The following SPRR2E variants were observed in gnomAD, a reference collection of about 807,000 sequenced individuals.
The protein encoded by SPRR2E is small proline rich protein 2E.
For missense variants in SPRR2E, 68 were observed against 87.1 expected (o/e 0.78, Z 0.87); for synonymous variants, 20 against 32.2 (o/e 0.62, Z 1.28).
chr1:153,093,389 C>T lies in SPRR2E; in HGVS notation c.*144G>A. ...AAGGAAACCTTTTGCTATCAGGGAT[C>T]ATCATGGGCAGATCACTGGCTAAGA... is the stretch of plus-strand genomic sequence containing the variant. On this transcript the variant is annotated 3_prime_UTR_variant, in exon 2 of 2. Transcript: ENST00000368750. 1 of 1,439,736 alleles carries T rather than the reference C, an allele frequency of 6.9e-7. No homozygotes were observed. Among genetic ancestry groups the T allele is most frequent in the Non-Finnish European group, 9.4e-7 (1 of 1,068,834 alleles). 89.2% of individuals were successfully genotyped at this position (1,439,736 alleles called of 1,614,324 possible).
At position 153,093,629 on chromosome 1, in the gene SPRR2E, A is replaced by T; in HGVS notation, c.123T>A (p.Cys41Ter). 1.2e-6 allele frequency: 2 copies of T among 1,612,438 alleles called. No homozygotes were observed. The highest frequency in any genetic ancestry group is 1.7e-6 in the Non-Finnish European group (2 of 1,179,822). ...ACTGCTGAGGTGGGCAGGGCTGTGG[A>T]CACTTTGGTGGTGGGCAGGGCTCAG... Reference protein sequence around the residue: ...KCPEPCPPPKCPQPCPPQQCQ... With the variant: ...KCPEPCPPPK Residue 41 changes from cysteine (C) to a stop codon, truncating the protein, a stop_gained, in exon 2 of 2, where the codon TGT (cysteine) becomes TGA (stop). Transcript: ENST00000368750. LOFTEE classifies it low-confidence loss of function (END_TRUNC).
Position 153,093,507 on chromosome 1 carries a change from C to T in SPRR2E, c.*26G>A. The T allele has an allele frequency of 6.2e-7, 1 of 1,606,942 alleles. No homozygotes were observed. The highest frequency in any genetic ancestry group is 8.5e-7 in the Non-Finnish European group (1 of 1,176,962). ...GGTGAGCCAATTATCCTTATCCTTT[C>T]ATGCTCCTGATGAATTCTGAAGCTG... On this transcript the variant is annotated 3_prime_UTR_variant, in exon 2 of 2. Transcript: ENST00000368750.
At position 153,093,767 on chromosome 1, in the gene SPRR2E, G is replaced by C; in HGVS notation, c.-16C>G. The stretch of plus-strand genomic sequence containing the variant: ...GATAAGACATCCTGCTGGAGTCTCA[G>C]AATCTGAAAGAAATGATATGACAGT... On this transcript the variant is annotated 5_prime_UTR_variant, in exon 2 of 2. Transcript: ENST00000368750. 1 of 1,611,564 alleles carries C rather than the reference G, an allele frequency of 6.2e-7. No homozygotes were observed. The highest frequency in any genetic ancestry group is 8.5e-7 in the Non-Finnish European group (1 of 1,179,868).
At position 153,093,786 on chromosome 1, in the gene SPRR2E, T is replaced by A. The variant is rs1933388; in HGVS notation, c.-19-16A>T. 371 of 1,610,254 alleles carry A rather than the reference T, an allele frequency of 2.3e-4. No homozygotes were observed. Among genetic ancestry groups the A allele is most frequent in the Middle Eastern group, 4.5e-4 (2 of 4,450 alleles). ...GTCTCAGAATCTGAAAGAAATGATA[T>A]GACAGTGTTCACAGGAATGGACTCC... On this transcript the variant is annotated splice_polypyrimidine_tract_variant and intron_variant, in intron 1 of 1. Transcript: ENST00000368750.
In SPRR2E at chr1:153,093,443, A is replaced by G. The variant is rs1005829807; in HGVS notation, c.*90T>C. 1.6e-5 allele frequency: 25 copies of G among 1,550,370 alleles called. 1 individual carries two copies. In the Admixed American group the frequency reaches 4.2e-4, roughly 26 times the overall value. The stretch of plus-strand genomic sequence containing the variant: ...AAGAAGCTAACTGTGTATCCATGGT[A>G]GGCTTTGATGAGAAGATGCAGGTGA... On this transcript the variant is annotated 3_prime_UTR_variant, in exon 2 of 2. Coordinates refer to ENST00000368750, the MANE Select transcript of SPRR2E (RefSeq NM_001024209.4).
At position 153,093,773 on chromosome 1, in the gene SPRR2E, G is replaced by A. The variant is rs1655154247; in HGVS notation, c.-19-3C>T. The A allele has an allele frequency of 6.2e-7, 1 of 1,611,492 alleles. No individual in the cohort carries two copies. Among genetic ancestry groups the A allele is most frequent in the East Asian group, 2.2e-5 (1 of 44,888 alleles). On this transcript the variant is annotated splice_polypyrimidine_tract_variant and splice_region_variant and intron_variant, in intron 1 of 1. Transcript: ENST00000368750. ...ACATCCTGCTGGAGTCTCAGAATCT[G>A]AAAGAAATGATATGACAGTGTTCAC... is the stretch of plus-strand genomic sequence containing the variant.
intron 1 of SPRR2E, 44 bp from the exon 2 acceptor site, chr1:153,093,814 C>T (rs1270557224): frequency 6.2e-7 from 1 of 1,609,022 alleles, no homozygotes; most frequent in African/African-American, 1.3e-5. Flanking sequence ...TGGACTCCTC[C>T]AGAGAGAGAA....
In SPRR2E at chr1:153,093,673, A is replaced by G. The variant is rs1655148375; in HGVS notation, c.79T>C (p.Cys27Arg). Residue 27 changes from cysteine to arginine, a missense_variant, in exon 2 of 2, where the codon TGT becomes CGT. Cys to Arg is a radical substitution (Grantham distance 180). Transcript: ENST00000368750. ...VCPTPKCPEP[C>R]PPPKCPEPCP... Reference sequence around the variant, plus strand: ...GGCTCAGGGCACTTCGGGGGTGGACATGGCTCTGGGCACTTTGGCGTGGGG... The same window carrying G: ...GGCTCAGGGCACTTCGGGGGTGGACGTGGCTCTGGGCACTTTGGCGTGGGG... The G allele has an allele frequency of 1.9e-6, 3 of 1,612,348 alleles. No homozygotes were observed. The East Asian group carries it at 6.7e-5, about 36-fold the overall frequency.
At chr1:153,093,886 T>A in intron 1 of SPRR2E, 116 bp from the exon 2 acceptor site, 3 of 1,322,376 alleles carry the variant, frequency 2.3e-6, no homozygotes, top group East Asian at 2.5e-5. Flanking sequence ...TTATTTAAAC[T>A]CTTAGCTCTC....
At position 153,093,645 on chromosome 1, in the gene SPRR2E, C is replaced by G. The variant is rs141816668; in HGVS notation, c.107G>C (p.Cys36Ser). 91 of 1,612,240 alleles carry G rather than the reference C, an allele frequency of 5.6e-5. No individual in the cohort carries two copies. Among genetic ancestry groups the G allele is most frequent in the Non-Finnish European group, 7.0e-5 (82 of 1,179,848 alleles). ...GGGCTGTGGACACTTTGGTGGTGGG[C>G]AGGGCTCAGGGCACTTCGGGGGTGG... ...PCPPPKCPEP[C>S]PPPKCPQPCP... Residue 36 changes from cysteine (C) to serine (S), a missense_variant, in exon 2 of 2, where the codon TGC becomes TCC. Physicochemically the swap from Cys to Ser is moderately radical, Grantham distance 112. Transcript: ENST00000368750.
rs1286184510 is a variant in SPRR2E, at chr1:153,093,703, C to G, written c.49G>C (p.Val17Leu). 6.2e-7 allele frequency: 1 copy of G among 1,612,212 alleles called. No individual in the cohort carries two copies. Among genetic ancestry groups the G allele is most frequent in the South Asian group, 1.1e-5 (1 of 91,000 alleles). ...QCKQPCQPPP[V>L]CPTPKCPEPC... ...TCTGGGCACTTTGGCGTGGGGCACA[C>G]AGGAGGTGGCTGGCAGGGCTGCTTG... The change falls in exon 2 of 2, where the codon GTG becomes CTG. Residue 17 changes from valine (V) to leucine (L), a missense_variant. Coordinates refer to ENST00000368750, the MANE Select transcript of SPRR2E (RefSeq NM_001024209.4).
In SPRR2E at chr1:153,093,212, T is replaced by G; in HGVS notation, c.*321A>C. 2.3e-6 allele frequency: 1 copy of G among 443,682 alleles called. No individual in the cohort carries two copies. Among genetic ancestry groups the G allele is most frequent in the Admixed American group, 3.8e-5 (1 of 25,994 alleles). 27.5% of individuals were successfully genotyped at this position (443,682 alleles called of 1,614,324 possible). A position where few individuals can be genotyped will look rare whatever the true frequency, so the allele number is the denominator to read the frequency against. On this transcript the variant is annotated 3_prime_UTR_variant, in exon 2 of 2. Coordinates refer to ENST00000368750, the MANE Select transcript of SPRR2E (RefSeq NM_001024209.4). ...CAGGTGTTAGAAGCCCATGCCCAGG[T>G]GACAGACAGACACAGAAAACATCAA...
In SPRR2E at chr1:153,093,258, C is replaced by A; in HGVS notation, c.*275G>T. ...ATCAACAGCATTTTTTGATGGTTCC[C>A]AGGGACAGAGCTGCTGGTCCTTCTT... is the stretch of plus-strand genomic sequence containing the variant. On this transcript the variant is annotated 3_prime_UTR_variant, in exon 2 of 2. Transcript: ENST00000368750. 1.8e-6 allele frequency: 1 copy of A among 559,044 alleles called. No homozygotes were observed. The allele number at this position is 559,044 out of a possible 1,614,324, so 34.6% of individuals were successfully genotyped here.
At chr1:153,094,213 C>A (rs1305448105) in intron 1 of SPRR2E, among the ~76,000 whole-genome samples, 1 of 152,204 alleles carries the variant, frequency 6.6e-6, no homozygotes, top group African/African-American at 2.4e-5. Flanking sequence ...GAAAAGGATA[C>A]CAGGAAAATA....
rs1273735587 is a variant in SPRR2E, at chr1:153,093,463, A to C, written c.*70T>G. 9.6e-6 allele frequency: 15 copies of C among 1,566,910 alleles called. No individual in the cohort carries two copies. Among genetic ancestry groups the C allele is most frequent in the Admixed American group, 1.8e-5 (1 of 56,638 alleles). On this transcript the variant is annotated 3_prime_UTR_variant, in exon 2 of 2. Coordinates refer to ENST00000368750, the MANE Select transcript of SPRR2E (RefSeq NM_001024209.4). Reference sequence around the variant, plus strand: ...ATGGTAGGCTTTGATGAGAAGATGCAGGTGAAGCTGTGGAACAAGGTGAGC... The same window carrying C: ...ATGGTAGGCTTTGATGAGAAGATGCCGGTGAAGCTGTGGAACAAGGTGAGC...
In SPRR2E at chr1:153,093,306, T is replaced by C; in HGVS notation, c.*227A>G. On this transcript the variant is annotated 3_prime_UTR_variant, in exon 2 of 2. Transcript: ENST00000368750. ...CTTCCAAAGCTCTGGGAACTGACAC[T>C]GCTGAGGACTTCCTTTCTCAGTCTC... 7 of 807,018 alleles carry C rather than the reference T, an allele frequency of 8.7e-6. No homozygotes were observed. Among genetic ancestry groups the C allele is most frequent in the South Asian group, 4.2e-5 (2 of 47,144 alleles). The allele number at this position is 807,018 out of a possible 1,614,324, so 50.0% of individuals were successfully genotyped here.
rs749269244 is a variant in SPRR2E at position 153,093,137 on chromosome 1, C to T, written c.*396G>A. The T allele has an allele frequency of 1.0e-4, 30 of 295,970 alleles. No individual in the cohort carries two copies. Among genetic ancestry groups the T allele is most frequent in the Non-Finnish European group, 1.7e-4 (27 of 160,730 alleles). The allele number at this position is 295,970 out of a possible 1,614,324, so 18.3% of individuals were successfully genotyped here. ...GAAACAAAAGATCCATTCACAAATACGTATGCAAAGATATTTTATTCAGGG... is the reference window on the plus strand; with the variant it reads ...GAAACAAAAGATCCATTCACAAATATGTATGCAAAGATATTTTATTCAGGG... On this transcript the variant is annotated 3_prime_UTR_variant, in exon 2 of 2. Transcript: ENST00000368750.
In SPRR2E at chr1:153,093,462, C is replaced by T; in HGVS notation, c.*71G>A. On this transcript the variant is annotated 3_prime_UTR_variant, in exon 2 of 2. Coordinates refer to ENST00000368750, the MANE Select transcript of SPRR2E (RefSeq NM_001024209.4). ...CATGGTAGGCTTTGATGAGAAGATGCAGGTGAAGCTGTGGAACAAGGTGAG... is the reference window on the plus strand; with the variant it reads ...CATGGTAGGCTTTGATGAGAAGATGTAGGTGAAGCTGTGGAACAAGGTGAG... The T allele has an allele frequency of 1.9e-6, 3 of 1,565,456 alleles. No individual in the cohort carries two copies. Among genetic ancestry groups the T allele is most frequent in the South Asian group, 2.4e-5 (2 of 81,824 alleles).
chr1:153,093,462 C>A lies in SPRR2E; in HGVS notation c.*71G>T, dbSNP rs74885686. 4.2e-5 allele frequency: 66 copies of A among 1,565,338 alleles called. No homozygotes were observed. The highest frequency in any genetic ancestry group is 5.6e-5 in the Non-Finnish European group (65 of 1,154,912). On this transcript the variant is annotated 3_prime_UTR_variant, in exon 2 of 2. Coordinates refer to ENST00000368750, the MANE Select transcript of SPRR2E (RefSeq NM_001024209.4). The stretch of plus-strand genomic sequence containing the variant: ...CATGGTAGGCTTTGATGAGAAGATG[C>A]AGGTGAAGCTGTGGAACAAGGTGAG...
Sources: allele counts gnomAD v4.1 joint callset (sites outside exome capture counted in the v4.1 genomes callset), GRCh38; gene constraint gnomAD v4.1.1; transcripts MANE v1.5; gene names NCBI Gene and HGNC (gene_info 2026-07-23, HGNC 2026-07-21).